The following DNAH12 variants were observed in gnomAD, a reference collection of about 807,000 sequenced individuals.
DNAH12 encodes axonemal beta dynein heavy chain 12.
Under a neutral mutation model 371.5 loss-of-function variants are expected in DNAH12, and 285 were observed. The observed-to-expected ratio is 0.77, with a 90% confidence interval of 0.70 to 0.85. The LOEUF is 0.85. Ranked by LOEUF, DNAH12 falls within the 40% of genes least tolerant of loss-of-function variation. The pLI, the probability that DNAH12 is intolerant of heterozygous loss-of-function variation, is 0.00. For missense variants in DNAH12, 3,611 were observed against 3,689.4 expected (o/e 0.98, Z 0.55); for synonymous variants, 1,200 against 1,213.0 (o/e 0.99, Z 0.22).
At chr3:57,539,873 C>T (rs2069199923) in intron 2 of DNAH12, among the ~76,000 whole-genome samples, 1 of 152,056 alleles carries the variant, frequency 6.6e-6, no homozygotes, top group African/African-American at 2.4e-5. Flanking sequence ...GCCTCAGCCT[C>T]CCAAAGTGCT....
intron 16 of DNAH12, among the ~76,000 whole-genome samples, chr3:57,469,509 T>G (rs1382941035): frequency 6.6e-6 from 1 of 152,182 alleles, no homozygotes; most frequent in Non-Finnish European, 1.5e-5. Flanking sequence ...ATAATCATTC[T>G]GCCAAAAAGA....
intron 60 of DNAH12, among the ~76,000 whole-genome samples, chr3:57,338,634 C>T (rs922253225): frequency 8.8e-5 from 13 of 147,082 alleles, no homozygotes; most frequent in Non-Finnish European, 1.2e-4. Context: ...CTGGCCGCCC[C>T]GTCTAGAAAG....
chr3:57,314,347 G>A (rs1209753470), intron 66 of DNAH12, 147 bp downstream of exon 66: 1 of 992,778 alleles, frequency 1.0e-6, no homozygotes, highest in East Asian at 2.7e-5. Flanking sequence ...GAATCCAGAT[G>A]GAGATAGTGC....
At chr3:57,430,844 G>C (rs532411547) in intron 32 of DNAH12, among the ~76,000 whole-genome samples, 9 of 152,240 alleles carry the variant, frequency 5.9e-5, no homozygotes, top group Middle Eastern at 3.4e-3. Context: ...CCGTTTCTTA[G>C]CTGTAAAATG....
chr3:57,390,424 A>AAAAAAATATATAT, intron 45 of DNAH12, among the ~76,000 whole-genome samples: 1 of 33,422 alleles, frequency 3.0e-5, no homozygotes, highest in African/African-American at 6.3e-5. Context: ...AAAAAAAAAA[A>AAAAAAATATATAT]ATATATATAT....
At position 57,309,676 on chromosome 3, in the gene DNAH12, A is replaced by T. The variant is rs924226825; in HGVS notation, c.11075T>A (p.Ile3692Asn). 4.6e-6 allele frequency: 7 copies of T among 1,515,982 alleles called. No individual in the cohort carries two copies. Among genetic ancestry groups the T allele is most frequent in the Middle Eastern group, 1.8e-4 (1 of 5,518 alleles). 93.9% of individuals were successfully genotyped at this position (1,515,982 alleles called of 1,614,324 possible). A position where few individuals can be genotyped will look rare whatever the true frequency, so the allele number is the denominator to read the frequency against. Reference sequence around the variant, plus strand: ...TAAGCTGAACATTACCTTGTTGAGGATATCTTTGGTAATTTCTAACAGAAT... The same window carrying T: ...TAAGCTGAACATTACCTTGTTGAGGTTATCTTTGGTAATTTCTAACAGAAT... Reference protein sequence around the residue: ...DQILLEITKDILNKLPSDFDI... With the variant: ...DQILLEITKDNLNKLPSDFDI... Residue 3692 changes from isoleucine (I) to asparagine (N), a missense_variant, in exon 68 of 74, where the codon ATC (isoleucine) becomes AAC (asparagine). Ile to Asn is a moderately radical substitution (Grantham distance 149, BLOSUM62 -3). This residue lies in a region of DNAH12 where 2,266 missense variants were observed against 2,236.9 expected (regional missense o/e 1.01). Coordinates refer to ENST00000495027, the MANE Select transcript of DNAH12 (RefSeq NM_001366028.2).
chr3:57,426,827 A>AG (rs1491344425), intron 34 of DNAH12, among the ~76,000 whole-genome samples: 2 of 132,590 alleles, frequency 1.5e-5, no homozygotes, highest in East Asian at 2.1e-4. Context: ...AGACTGTCTC[A>AG]GAAAAAAAAA....
chr3:57,315,123 C>G (rs1283062481), intron 65 of DNAH12, among the ~76,000 whole-genome samples: 2 of 152,026 alleles, frequency 1.3e-5, no homozygotes, highest in African/African-American at 4.8e-5. Context: ...ATCCCCGTGT[C>G]TGTGATATGC....
At chr3:57,454,117 C>A (rs1475289718) in intron 23 of DNAH12, among the ~76,000 whole-genome samples, 1 of 151,746 alleles carries the variant, frequency 6.6e-6, no homozygotes, top group Non-Finnish European at 1.5e-5. Context: ...TCTAAACACA[C>A]ACACACACAT....
intron 43 of DNAH12, 115 bp downstream of exon 43, chr3:57,403,194 T>C: frequency 1.9e-6 from 2 of 1,058,008 alleles, no homozygotes; most frequent in South Asian, 3.6e-5. Context: ...TGGACAGTAT[T>C]AGCATCATCA....
chr3:57,453,440 A>C lies in DNAH12; in HGVS notation c.3457-37T>G, dbSNP rs188823181. ...AAAAAAAAGCAATCTAATTGATGTC[A>C]CATCATACTTAAAACATGTATTTTA... On this transcript the variant is annotated intron_variant, in intron 23 of 73. Transcript: ENST00000495027. 6.9e-6 allele frequency: 10 copies of C among 1,457,808 alleles called. No homozygotes were observed. The East Asian group carries it at 1.5e-4, about 22-fold the overall frequency. 90.3% of individuals were successfully genotyped at this position (1,457,808 alleles called of 1,614,324 possible).
intron 30 of DNAH12, among the ~76,000 whole-genome samples, chr3:57,435,275 G>A (rs1312417633): frequency 2.7e-5 from 4 of 150,316 alleles, no homozygotes; most frequent in African/African-American, 9.8e-5. Context: ...AGGAGGCTGA[G>A]GCATGAGAAT....
intron 69 of DNAH12, among the ~76,000 whole-genome samples, chr3:57,303,560 C>G (rs542946421): frequency 6.6e-6 from 1 of 151,686 alleles, no homozygotes; most frequent in Admixed American, 6.6e-5. Context: ...TACAGGTGCC[C>G]GCTACCACGC....
At chr3:57,341,000 G>T (rs2062381614) in intron 60 of DNAH12, among the ~76,000 whole-genome samples, 1 of 152,120 alleles carries the variant, frequency 6.6e-6, no homozygotes, top group Non-Finnish European at 1.5e-5. Flanking sequence ...CACAAATAAT[G>T]TGAGACATCA....
At chr3:57,479,566 C>T (rs893476537) in intron 13 of DNAH12, among the ~76,000 whole-genome samples, 10 of 152,090 alleles carry the variant, frequency 6.6e-5, no homozygotes, top group South Asian at 4.1e-4. Context: ...CTGCACCAAG[C>T]GGACCTAATA....
intron 17 of DNAH12, among the ~76,000 whole-genome samples, chr3:57,467,043 T>C (rs1415982211): frequency 1.3e-5 from 2 of 151,928 alleles, no homozygotes; most frequent in Non-Finnish European, 2.9e-5. Flanking sequence ...GTTACAGGTG[T>C]CATCCGCTAT....
chr3:57,432,716 A>G, intron 32 of DNAH12, among the ~76,000 whole-genome samples: 1 of 152,122 alleles, frequency 6.6e-6, no homozygotes, highest in South Asian at 2.1e-4. Flanking sequence ...AAACTAATTC[A>G]TCATAGAAGT....
At chr3:57,546,859 A>C (rs145947404), upstream of DNAH12, among the ~76,000 whole-genome samples, 730 of 152,264 alleles carry the variant, frequency 4.8e-3, 5 homozygotes, top group African/African-American at 0.017. Flanking sequence ...CCTTTTAAAA[A>C]GATTTAGGCC....
chr3:57,310,742 T>C lies in DNAH12; in HGVS notation c.10871A>G (p.Tyr3624Cys). The C allele has an allele frequency of 6.4e-7, 1 of 1,551,442 alleles. No homozygotes were observed. The highest frequency in any genetic ancestry group is 8.7e-7 in the Non-Finnish European group (1 of 1,146,748). The change falls in exon 67 of 74, where the codon TAT (tyrosine) becomes TGT (cysteine). Residue 3624 changes from tyrosine to cysteine, a missense_variant. Transcript: ENST00000495027. ...CTTAATGAATTCAATGTAGTCCTCA[T>C]AAGTGCCTTTAGGAGGTGCAAAATA... ...GNYFAPPKGT[Y>C]EDYIEFIKKL...
Sources: gnomAD v4.1 joint callset for allele counts (sites outside exome capture counted in the v4.1 genomes callset) on GRCh38, gnomAD v4.1.1 for gene constraint, gnomAD v4.1.1 regional missense constraint, MANE v1.5 for transcripts, NCBI Gene and HGNC (gene_info 2026-07-23, HGNC 2026-07-21) for gene names.